The following USP9X variants were observed in gnomAD, a reference collection of about 807,000 sequenced individuals.
The protein encoded by USP9X is ubiquitin carboxyl-terminal hydrolase 9X.
In USP9X, 7 loss-of-function variants were observed where a neutral mutation model predicts 190.3. That is an observed-to-expected ratio of 0.04 (90% CI 0.02 to 0.07). USP9X has a LOEUF of 0.07. USP9X is among the 10% of genes least tolerant of loss of function. USP9X has a pLI of 1.00. For synonymous variants in USP9X, 645 were observed against 659.5 expected (o/e 0.98, Z 0.34); for missense variants, 1,010 against 1,916.9 (o/e 0.53, Z 8.83).
At chrX:41,197,331 T>TGGCC in intron 28 of USP9X, 33 bp from the exon 29 acceptor site, 1 of 486,759 alleles carries the variant, frequency 2.1e-6, no homozygotes, top group Non-Finnish European at 2.9e-6. Context: ...TTTGATTTCT[T>TGGCC]CCCCCCCCCA....
chrX:41,171,790 G>A (rs745840405), intron 20 of USP9X, 48 bp from the exon 21 acceptor site: 11 of 1,173,660 alleles, frequency 9.4e-6, no homozygotes, highest in South Asian at 1.8e-5. Flanking sequence ...TTTATAAAAC[G>A]GGAGTAAATA....
intron 11 of USP9X, among the ~76,000 whole-genome samples, chrX:41,144,982 C>T (rs2062452667): frequency 9.0e-6 from 1 of 111,413 alleles, no homozygotes; most frequent in Admixed American, 9.5e-5. Context: ...GTCATATGTA[C>T]AAGCAAAATA....
chrX:41,163,735 A>G (rs868356826), intron 15 of USP9X, among the ~76,000 whole-genome samples: 83 of 101,686 alleles, frequency 8.2e-4, no homozygotes, highest in Middle Eastern at 5.2e-3. Flanking sequence ...ACCCTGTCTC[A>G]AAAAAAAAAA....
At chrX:41,163,222 G>A (rs1043128594) in intron 15 of USP9X, among the ~76,000 whole-genome samples, 11 of 111,323 alleles carry the variant, frequency 9.9e-5, no homozygotes, top group South Asian at 3.8e-4. Context: ...CTAAGGAAAC[G>A]GGGGCAAAAG....
In USP9X at chrX:41,151,034, T is replaced by G; in HGVS notation, c.1740T>G (p.Phe580Leu). ...LKQIREICSL[F>L]GEAPQNLSQT... is the part of the protein sequence containing the mutation. ...AAATTAGAGAAATTTGTAGTTTGTT[T>G]GGTGAAGCGCCTCAAAATTTGAGGT... Residue 580 changes from phenylalanine (F) to leucine (L), a missense_variant, in exon 13 of 45, where the codon TTT (phenylalanine) becomes TTG (leucine). Physicochemically the swap from Phe to Leu is conservative, Grantham distance 22. Transcript: ENST00000378308. 1 of 1,202,850 alleles carries G rather than the reference T, an allele frequency of 8.3e-7. No individual in the cohort carries two copies. The highest frequency in any genetic ancestry group is 1.1e-6 in the Non-Finnish European group (1 of 891,839).
At chrX:41,107,707 AT>A (rs1217532492) in intron 1 of USP9X, among the ~76,000 whole-genome samples, 3 of 110,114 alleles carry the variant, frequency 2.7e-5, no homozygotes, top group African/African-American at 9.9e-5. Flanking sequence ...GGCTCTGTTC[AT>A]TTTTTTTCTC....
At chrX:41,125,670 ACACACACACACACACTCTCTCTCT>A (rs1307630427) in intron 2 of USP9X, among the ~76,000 whole-genome samples, 819 of 58,789 alleles carry the variant, frequency 0.014, 8 homozygotes, top group Middle Eastern at 0.04. Context: ...ACACACACAC[ACACACACACACACACTCTCTCTCT>A]CTCTCTCTCT....
In USP9X at chrX:41,188,120, A is replaced by G. The variant is rs370840952; in HGVS notation, c.3810+3A>G. ...AAATCACTAAAATTTATGAGAAGGT[A>G]AGAATTATCACAGAACTATATTCCT... On this transcript the variant is annotated splice_donor_region_variant and intron_variant, in intron 25 of 44. Transcript: ENST00000378308. The G allele has an allele frequency of 8.3e-7, 1 of 1,202,088 alleles. No individual in the cohort carries two copies. Among genetic ancestry groups the G allele is most frequent in the Non-Finnish European group, 1.1e-6 (1 of 889,575 alleles).
rs72624293 is a variant in USP9X at position 41,086,244 on chromosome X, T to A, written c.-159+135T>A. The A allele has an allele frequency of 1.6e-3, 432 of 276,517 alleles. 8 individuals are homozygous for A. In the East Asian group the frequency reaches 0.022, roughly 14 times the overall value. 22.8% of individuals were successfully genotyped at this position (276,517 alleles called of 1,213,427 possible). A position where few individuals can be genotyped will look rare whatever the true frequency, so the allele number is the denominator to read the frequency against. On this transcript the variant is annotated intron_variant, in intron 1 of 44. Coordinates refer to ENST00000378308, the MANE Select transcript of USP9X (RefSeq NM_001039591.3). ...GGCGGCTGCCGGCCAGGCTGGGGCT[T>A]CCCCGTTCCCCCTCCTCCGGCCCGG... is the stretch of plus-strand genomic sequence containing the variant.
intron 22 of USP9X, 43 bp from the exon 23 acceptor site, chrX:41,184,351 TAAA>T: frequency 8.7e-7 from 1 of 1,151,712 alleles, no homozygotes; most frequent in Admixed American, 2.8e-5. Context: ...ATTTTTTTTT[TAAA>T]TCTTTTAATA....
At chrX:41,203,716 C>T (rs1157300621) in intron 31 of USP9X, among the ~76,000 whole-genome samples, 1 of 110,338 alleles carries the variant, frequency 9.1e-6, no homozygotes, top group Non-Finnish European at 1.9e-5. Flanking sequence ...TTATTTTTTT[C>T]AGACAGAGTC....
intron 2 of USP9X, among the ~76,000 whole-genome samples, chrX:41,124,078 A>G (rs2062214538): frequency 2.7e-5 from 3 of 109,390 alleles, no homozygotes; most frequent in Admixed American, 2.0e-4. Flanking sequence ...TGGTGGGTCT[A>G]CTGTTGGGGT....
At chrX:41,120,956 A>G (rs1476180051) in intron 1 of USP9X, among the ~76,000 whole-genome samples, 3 of 105,903 alleles carry the variant, frequency 2.8e-5, no homozygotes, top group Non-Finnish European at 5.8e-5. Flanking sequence ...CTCCTGACTC[A>G]GCCTCCTCAG....
chrX:41,165,822 C>T lies in USP9X; in HGVS notation c.1986-50C>T, dbSNP rs949027123. On this transcript the variant is annotated intron_variant, in intron 15 of 44. Coordinates refer to ENST00000378308, the MANE Select transcript of USP9X (RefSeq NM_001039591.3). ...TTATAGGTAATACAGATTGCCTTTC[C>T]GGATAAAAATTACATAAATCTAATT... 5 of 1,095,986 alleles carry T rather than the reference C, an allele frequency of 4.6e-6. No homozygotes were observed. In the South Asian group the frequency reaches 8.2e-5, roughly 18 times the overall value. The allele number at this position is 1,095,986 out of a possible 1,213,427, so 90.3% of individuals were successfully genotyped here.
chrX:41,224,311 G>A (rs2063292986), intron 39 of USP9X, among the ~76,000 whole-genome samples: 1 of 110,963 alleles, frequency 9.0e-6, no homozygotes, highest in South Asian at 3.8e-4. Flanking sequence ...TTGTGCTTAG[G>A]TAACTTGATT....
chrX:41,181,439 T>TTA, intron 21 of USP9X, among the ~76,000 whole-genome samples: 1 of 55,670 alleles, frequency 1.8e-5, no homozygotes, highest in Non-Finnish European at 3.2e-5. Flanking sequence ...ACCTGACTTT[T>TTA]TTTTTTTTTT....
chrX:41,231,059 G>A (rs915147367), intron 44 of USP9X, among the ~76,000 whole-genome samples: 4 of 111,910 alleles, frequency 3.6e-5, no homozygotes, highest in African/African-American at 1.3e-4. Context: ...GGTGATTAAA[G>A]TAAATAAACT....
At chrX:41,232,156 TAC>T (rs2063365479) in intron 44 of USP9X, among the ~76,000 whole-genome samples, 1 of 112,052 alleles carries the variant, frequency 8.9e-6, no homozygotes, top group Non-Finnish European at 1.9e-5. Context: ...TATGTGGACC[TAC>T]ACAATCACTG....
intron 20 of USP9X, 26 bp from the exon 21 acceptor site, chrX:41,171,812 A>G (rs2062728618): frequency 8.3e-7 from 1 of 1,197,908 alleles, no homozygotes. Context: ...TTTAGAGGTA[A>G]TTATTTTGTG....
Sources: gnomAD v4.1 joint callset for allele counts (sites outside exome capture counted in the v4.1 genomes callset) on GRCh38, gnomAD v4.1.1 for gene constraint, MANE v1.5 for transcripts, NCBI Gene and HGNC (gene_info 2026-07-23, HGNC 2026-07-21) for gene names.